The following STARD13 variants were observed in gnomAD, a reference collection of about 807,000 sequenced individuals.
STARD13 encodes StAR related lipid transfer domain containing 13.
Under a neutral mutation model 106.4 loss-of-function variants are expected in STARD13, and 62 were observed. The ratio of observed to expected loss-of-function variants is 0.58; its 90% CI spans 0.48 to 0.72. The LOEUF (loss-of-function observed/expected upper bound fraction) is 0.72, where lower values mean the gene tolerates loss of function less well. Among genes scored for constraint, STARD13 ranks in the 30% least tolerant of loss-of-function variants. The pLI is 0.00. For missense variants in STARD13, 1,387 were observed against 1,424.0 expected (o/e 0.97, Z 0.42); for synonymous variants, 565 against 553.0 (o/e 1.02, Z -0.31).
the STARD13 span, chr13:33,654,655 T>TA: frequency 6.6e-6 from 1 of 152,204 alleles, no homozygotes; most frequent in African/African-American, 2.4e-5. Context: ...TAGAGTAAGA[T>TA]AAAAAGTGTT....
the STARD13 span, among the ~76,000 whole-genome samples, chr13:33,387,322 T>A: frequency 6.6e-6 from 1 of 152,090 alleles, no homozygotes; most frequent in Non-Finnish European, 1.5e-5. Context: ...TGTTTTCATC[T>A]CAATAGTAGG....
At chr13:33,657,202 A>G in the STARD13 span, among the ~76,000 whole-genome samples, 1 of 152,210 alleles carries the variant, frequency 6.6e-6, no homozygotes. Context: ...CCCGGGAGGC[A>G]GAGCTTGCAA....
chr13:33,464,773 C>A, the STARD13 span, among the ~76,000 whole-genome samples: 1 of 152,068 alleles, frequency 6.6e-6, no homozygotes, highest in Non-Finnish European at 1.5e-5. Flanking sequence ...CACTTGAACT[C>A]GGAAGGCGGA....
the STARD13 span, among the ~76,000 whole-genome samples, chr13:33,381,752 AT>A: frequency 2.0e-5 from 3 of 152,238 alleles, no homozygotes; most frequent in Admixed American, 6.5e-5. Context: ...AAATAAAAAA[AT>A]AAAACTAAAA....
the STARD13 span, chr13:33,657,073 T>A: frequency 1.3e-5 from 2 of 152,260 alleles, no homozygotes; most frequent in African/African-American, 2.4e-5. Flanking sequence ...ATCGAGACAA[T>A]CCTGGCTAAC....
chr13:33,176,907 C>A (rs1447095935), intron 1 of STARD13, among the ~76,000 whole-genome samples: 1 of 152,162 alleles, frequency 6.6e-6, no homozygotes, highest in African/African-American at 2.4e-5. Context: ...TTTACAAATT[C>A]TGGAATATTT....
At chr13:33,249,605 G>A (rs1889995218) in intron 1 of STARD13, among the ~76,000 whole-genome samples, 1 of 152,058 alleles carries the variant, frequency 6.6e-6, no homozygotes, top group Non-Finnish European at 1.5e-5. Context: ...ATACCATTTT[G>A]CAATTAAGGA....
chr13:33,479,128 T>A, the STARD13 span, among the ~76,000 whole-genome samples: 1 of 152,142 alleles, frequency 6.6e-6, no homozygotes, highest in Admixed American at 6.5e-5. Context: ...TTTAAACATA[T>A]GAAAAGATTA....
chr13:33,363,255 G>GACTTTCAAAACCTTCTCAGTACACACAC, the STARD13 span, among the ~76,000 whole-genome samples: 11 of 152,100 alleles, frequency 7.2e-5, no homozygotes, highest in African/African-American at 2.7e-4. Context: ...CCATGAACCA[G>GACTTTCAAAACCTTCTCAGTACACACAC]ACTTTCAAAA....
At chr13:33,315,342 A>C (rs148476626) in intron 1 of STARD13, among the ~76,000 whole-genome samples, 1 of 152,348 alleles carries the variant, frequency 6.6e-6, no homozygotes, top group East Asian at 1.9e-4. Context: ...GTATGCTCTG[A>C]TCTGAGCATC....
At chr13:33,525,423 C>G in the STARD13 span, among the ~76,000 whole-genome samples, 1 of 151,942 alleles carries the variant, frequency 6.6e-6, no homozygotes, top group South Asian at 2.1e-4. Flanking sequence ...TGATTTCAGA[C>G]CATATGTGGT....
the STARD13 span, among the ~76,000 whole-genome samples, chr13:33,661,831 T>C: frequency 6.6e-6 from 1 of 150,744 alleles, no homozygotes; most frequent in Admixed American, 6.6e-5. Context: ...CTGGGGAGTG[T>C]ACATATATGT....
the STARD13 span, among the ~76,000 whole-genome samples, chr13:33,420,920 A>C: frequency 2.6e-5 from 4 of 152,274 alleles, no homozygotes; most frequent in East Asian, 7.7e-4. Flanking sequence ...AACAAAGACA[A>C]AACATACCAG....
chr13:33,634,707 C>CCACA, the STARD13 span, among the ~76,000 whole-genome samples: 1 of 151,846 alleles, frequency 6.6e-6, no homozygotes, highest in African/African-American at 2.4e-5. Flanking sequence ...TGCCCCGCCG[C>CCACA]CACACACACA....
At chr13:33,166,068 G>C (rs1883280859) in intron 2 of STARD13, among the ~76,000 whole-genome samples, 1 of 152,138 alleles carries the variant, frequency 6.6e-6, no homozygotes, top group South Asian at 2.1e-4. Flanking sequence ...TGGAATAGAG[G>C]ACATAGCCAA....
At chr13:33,598,963 G>A in the STARD13 span, among the ~76,000 whole-genome samples, 2 of 152,082 alleles carry the variant, frequency 1.3e-5, no homozygotes, top group Non-Finnish European at 2.9e-5. Context: ...TCCTTTAAAA[G>A]AAATATTTAT....
the STARD13 span, among the ~76,000 whole-genome samples, chr13:33,360,867 C>A: frequency 6.9e-6 from 1 of 145,630 alleles, no homozygotes; most frequent in South Asian, 2.3e-4. Context: ...GCAATCTGAG[C>A]TCACTGCAAG....
chr13:33,322,748 G>A (rs751597276), intron 1 of STARD13, among the ~76,000 whole-genome samples: 11 of 152,212 alleles, frequency 7.2e-5, no homozygotes, highest in East Asian at 1.9e-4. Context: ...TTAAAAAGAA[G>A]AGACTGCTAT....
At chr13:33,283,337 C>G (rs1271965484) in intron 1 of STARD13, among the ~76,000 whole-genome samples, 1 of 152,160 alleles carries the variant, frequency 6.6e-6, no homozygotes, top group Non-Finnish European at 1.5e-5. Context: ...CATGGACTGT[C>G]AAGCTGTATT....
Sources: allele counts gnomAD v4.1 joint callset (sites outside exome capture counted in the v4.1 genomes callset), GRCh38; gene constraint gnomAD v4.1.1; transcripts MANE v1.5; gene names NCBI Gene and HGNC (gene_info 2026-07-23, HGNC 2026-07-21).